The following FANCB variants were observed in gnomAD, a reference collection of about 807,000 sequenced individuals.
The protein encoded by FANCB is Fanconi anemia group B protein.
In FANCB, 5 loss-of-function variants were observed where a neutral mutation model predicts 38.9. That is an observed-to-expected ratio of 0.13 (90% CI 0.07 to 0.27). The LOEUF (loss-of-function observed/expected upper bound fraction) is 0.27, where lower values mean the gene tolerates loss of function less well. FANCB is among the 10% of genes least tolerant of loss of function. The probability of loss-of-function intolerance (pLI) is 1.00; values close to 1 mark genes in which losing one functional copy is unlikely to be tolerated. For synonymous variants in FANCB, 236 were observed against 215.4 expected (o/e 1.10, Z -0.84); for missense variants, 573 against 602.7 (o/e 0.95, Z 0.52).
the FANCB span, among the ~76,000 whole-genome samples, chrX:14,816,351 A>C: frequency 3.6e-5 from 4 of 112,458 alleles, no homozygotes; most frequent in Admixed American, 9.4e-5. Context: ...AAATAAAATT[A>C]AAATGTTTCC....
At chrX:14,739,768 G>A in the FANCB span, among the ~76,000 whole-genome samples, 9 of 111,867 alleles carry the variant, frequency 8.0e-5, no homozygotes, top group African/African-American at 2.9e-4. Context: ...TGAGAAAAGA[G>A]GCACTATTTC....
chrX:14,857,949 T>G lies in FANCB; in HGVS notation c.1110A>C (p.Glu370Asp). 2.7e-6 allele frequency: 3 copies of G among 1,102,967 alleles called. No homozygotes were observed. The highest frequency in any genetic ancestry group is 3.8e-6 in the Non-Finnish European group (3 of 798,445). 90.9% of individuals were successfully genotyped at this position (1,102,967 alleles called of 1,213,427 possible). A position where few individuals can be genotyped will look rare whatever the true frequency, so the allele number is the denominator to read the frequency against. Reference protein sequence around the residue: ...TDLGKINYSSEPSDCNEDDLF... With the variant: ...TDLGKINYSSDPSDCNEDDLF... Reference sequence around the variant, plus strand: ...AGTCATCTTCATTGCAATCTGATGGTTCACTCTAATAAATAAATAAATAAA... The same window carrying G: ...AGTCATCTTCATTGCAATCTGATGGGTCACTCTAATAAATAAATAAATAAA... The change falls in exon 5 of 10, where the codon GAA becomes GAC. Residue 370 changes from glutamate to aspartate, a missense_variant. By Grantham distance (45) the Glu-to-Asp change is conservative. Transcript: ENST00000650831.
At chrX:14,829,785 T>C in the FANCB span, among the ~76,000 whole-genome samples, 2 of 112,574 alleles carry the variant, frequency 1.8e-5, no homozygotes, top group African/African-American at 6.4e-5. Flanking sequence ...TAGAAGAATG[T>C]TGATCTATCC....
At chrX:14,863,184 C>G (rs776538496) in intron 3 of FANCB, among the ~76,000 whole-genome samples, 1 of 111,845 alleles carries the variant, frequency 8.9e-6, no homozygotes, top group East Asian at 2.8e-4. Flanking sequence ...CATTCCTCCC[C>G]CCACACAAAC....
intron 3 of FANCB, among the ~76,000 whole-genome samples, chrX:14,863,435 A>G (rs2092455173): frequency 1.8e-5 from 2 of 112,445 alleles, no homozygotes; most frequent in South Asian, 3.6e-4. Context: ...CTTAATTCAT[A>G]AACACTTCAA....
chrX:14,855,032 G>A (rs938172341), intron 5 of FANCB, among the ~76,000 whole-genome samples: 8 of 111,639 alleles, frequency 7.2e-5, no homozygotes, highest in Admixed American at 1.9e-4. Context: ...CATTCCTTCC[G>A]TTGCTTTACA....
chrX:14,802,369 T>G, the FANCB span, among the ~76,000 whole-genome samples: 3 of 111,658 alleles, frequency 2.7e-5, no homozygotes, highest in South Asian at 1.1e-3. Context: ...TGGTGGACCA[T>G]GGGTAAAGAG....
At chrX:14,753,028 CATTA>C in the FANCB span, among the ~76,000 whole-genome samples, 22 of 100,138 alleles carry the variant, frequency 2.2e-4, no homozygotes, top group Non-Finnish European at 4.4e-4. Flanking sequence ...CACACACACA[CATTA>C]GTTTTTCTCT....
At chrX:14,808,498 T>C in the FANCB span, among the ~76,000 whole-genome samples, 1 of 112,005 alleles carries the variant, frequency 8.9e-6, no homozygotes, top group African/African-American at 3.2e-5. Context: ...AAAAAGCATT[T>C]GATAAAATTC....
At chrX:14,815,586 A>G in the FANCB span, among the ~76,000 whole-genome samples, 1 of 112,249 alleles carries the variant, frequency 8.9e-6, no homozygotes, top group African/African-American at 3.2e-5. Flanking sequence ...AATTAGTACA[A>G]CCTCTATGGA....
intron 7 of FANCB, among the ~76,000 whole-genome samples, chrX:14,848,952 T>C (rs1447872367): frequency 2.7e-5 from 3 of 111,072 alleles, no homozygotes; most frequent in Non-Finnish European, 5.7e-5. Context: ...GTGTGTGTTA[T>C]TTCTCAACCT....
At position 14,844,708 on chromosome X, in the gene FANCB, C is replaced by T; in HGVS notation, c.1960G>A (p.Ala654Thr). The T allele has an allele frequency of 8.3e-7, 1 of 1,210,549 alleles. No individual in the cohort carries two copies. Among genetic ancestry groups the T allele is most frequent in the Non-Finnish European group, 1.1e-6 (1 of 894,346 alleles). ...HMEDLFALLA[A>T]FHKSCFQITS... ...ATTTGAAAACAAGATTTATGGAATGCTGCAAGAAGTGCAAAAAGATCTTCC... is the reference window on the plus strand; with the variant it reads ...ATTTGAAAACAAGATTTATGGAATGTTGCAAGAAGTGCAAAAAGATCTTCC... Residue 654 changes from alanine (A) to threonine (T), a missense_variant, in exon 9 of 10, where the codon GCA becomes ACA. Ala to Thr is a moderately conservative substitution (Grantham distance 58). Coordinates refer to ENST00000650831, the MANE Select transcript of FANCB (RefSeq NM_001018113.3).
At chrX:14,704,639 C>A in the FANCB span, among the ~76,000 whole-genome samples, 1 of 111,610 alleles carries the variant, frequency 9.0e-6, no homozygotes, top group Non-Finnish European at 1.9e-5. Context: ...CAGCATCAGA[C>A]GCGAGTATAA....
chrX:14,812,175 G>A, the FANCB span, among the ~76,000 whole-genome samples: 5 of 109,968 alleles, frequency 4.5e-5, no homozygotes, highest in Non-Finnish European at 9.5e-5. Flanking sequence ...GTGTGTAGAG[G>A]GAAATTTATA....
chrX:14,817,639 A>G, the FANCB span, among the ~76,000 whole-genome samples: 6 of 111,986 alleles, frequency 5.4e-5, no homozygotes, highest in Non-Finnish European at 9.4e-5. Context: ...TTACATTGTC[A>G]GCGCATAATA....
At chrX:14,698,973 G>A in the FANCB span, among the ~76,000 whole-genome samples, 1 of 111,210 alleles carries the variant, frequency 9.0e-6, no homozygotes, top group Admixed American at 9.6e-5. Flanking sequence ...AGGAGTGGCC[G>A]GGCAATGTGC....
chrX:14,748,373 A>AC, the FANCB span, among the ~76,000 whole-genome samples: 1 of 57,125 alleles, frequency 1.8e-5, no homozygotes, highest in Non-Finnish European at 3.4e-5. Flanking sequence ...CCTGGACAGC[A>AC]CTTTGTGGCC....
the FANCB span, among the ~76,000 whole-genome samples, chrX:14,780,814 T>G: frequency 0.059 from 5,907 of 99,852 alleles, 196 homozygotes; most frequent in Non-Finnish European, 0.087. Context: ...GTTTTTTTTG[T>G]TTTTTTTTTC....
chrX:14,819,536 G>A, the FANCB span, among the ~76,000 whole-genome samples: 2 of 111,682 alleles, frequency 1.8e-5, no homozygotes, highest in East Asian at 5.6e-4. Context: ...CAGAAAAACA[G>A]CCCCCAGCTA....
Sources: allele counts gnomAD v4.1 joint callset (sites outside exome capture counted in the v4.1 genomes callset), GRCh38; gene constraint gnomAD v4.1.1; transcripts MANE v1.5; gene names NCBI Gene and HGNC (gene_info 2026-07-23, HGNC 2026-07-21).